The following TACO1 variants were observed in gnomAD, a reference collection of about 807,000 sequenced individuals.
The protein encoded by TACO1 is translational activator of cytochrome c oxidase I, also known as translational activator of cytochrome c oxidase 1.
Under a neutral mutation model 24.0 loss-of-function variants are expected in TACO1, and 13 were observed. That is an observed-to-expected ratio of 0.54 (90% CI 0.35 to 0.86). The LOEUF (loss-of-function observed/expected upper bound fraction) is 0.86. Ranked by LOEUF, TACO1 falls within the 40% of genes least tolerant of loss-of-function variation. The pLI is 0.01. For missense variants in TACO1, 352 were observed against 380.1 expected, an observed-to-expected ratio of 0.93 and a Z score of 0.61; for synonymous variants, 149 against 153.5, an observed-to-expected ratio of 0.97 and a Z score of 0.22.
In TACO1 at chr17:63,608,003, C is replaced by T; in HGVS notation, c.*1C>T. On this transcript the variant is annotated 3_prime_UTR_variant, in exon 5 of 5. Coordinates refer to ENST00000258975, the MANE Select transcript of TACO1 (RefSeq NM_016360.4). ...TCACGTCTATGATAACATTGAATAA[C>T]CAGGCTACATGTGCCCCCGGGTTCC... 6.2e-7 allele frequency: 1 copy of T among 1,614,016 alleles called. No individual in the cohort carries two copies. The highest frequency in any genetic ancestry group is 8.5e-7 in the Non-Finnish European group (1 of 1,180,014).
intron 2 of TACO1, among the ~76,000 whole-genome samples, 179 bp from the exon 3 acceptor site, chr17:63,606,134 G>GTAC (rs1435743390): frequency 6.6e-6 from 1 of 152,168 alleles, no homozygotes; most frequent in Non-Finnish European, 1.5e-5. Flanking sequence ...GTTAGGGGTA[G>GTAC]TACTTCCTGT....
Position 63,606,306 on chromosome 17 carries a change from A to G in TACO1, c.388-7A>G. On this transcript the variant is annotated splice_region_variant and splice_polypyrimidine_tract_variant and intron_variant, in intron 2 of 4. Transcript: ENST00000258975. The stretch of plus-strand genomic sequence containing the variant: ...ACAGGAAAATGTGCTTGTGTTGTTT[A>G]TTGCAGAAATCCAAGGACACTTATT... 1 of 1,612,986 alleles carries G rather than the reference A, an allele frequency of 6.2e-7. No homozygotes were observed. Among genetic ancestry groups the G allele is most frequent in the Non-Finnish European group, 8.5e-7 (1 of 1,180,028 alleles).
In TACO1 at chr17:63,600,956, C is replaced by T; in HGVS notation, c.-128C>T. 1.7e-6 allele frequency: 2 copies of T among 1,172,442 alleles called. No homozygotes were observed. Among genetic ancestry groups the T allele is most frequent in the Non-Finnish European group, 2.4e-6 (2 of 830,398 alleles). The allele number at this position is 1,172,442 out of a possible 1,614,324, so 72.6% of individuals were successfully genotyped here. On this transcript the variant is annotated 5_prime_UTR_variant, in exon 1 of 5. Transcript: ENST00000258975. Reference sequence around the variant, plus strand: ...GCTGTTGAGCCGCCCCGGGCGGGCCCAAGCCTTTGGATCTCAGGTGACCGG... The same window carrying T: ...GCTGTTGAGCCGCCCCGGGCGGGCCTAAGCCTTTGGATCTCAGGTGACCGG...
At position 63,601,227 on chromosome 17, in the gene TACO1, G is replaced by T; in HGVS notation, c.144G>T (p.Arg48Ser). 1.3e-6 allele frequency: 2 copies of T among 1,599,620 alleles called. No homozygotes were observed. Among genetic ancestry groups the T allele is most frequent in the Non-Finnish European group, 1.7e-6 (2 of 1,173,614 alleles). The change falls in exon 1 of 5, where the codon AGG (arginine) becomes AGT (serine). Residue 48 changes from arginine (R) to serine (S), a missense_variant. Physicochemically the swap from Arg to Ser is moderately radical, Grantham distance 110 (BLOSUM62 -1). Coordinates refer to ENST00000258975, the MANE Select transcript of TACO1 (RefSeq NM_016360.4). ...EPRGCGAAPG[R>S]TLHFTAAVPA... Reference sequence around the variant, plus strand: ...GGGGCTGCGGTGCCGCTCCGGGCAGGACGCTGCACTTTACCGCGGCTGTCC... The same window carrying T: ...GGGGCTGCGGTGCCGCTCCGGGCAGTACGCTGCACTTTACCGCGGCTGTCC...
At chr17:63,601,584 CAG>C (rs1031721114) in intron 1 of TACO1, among the ~76,000 whole-genome samples, 42 of 152,306 alleles carry the variant, frequency 2.8e-4, no homozygotes, top group African/African-American at 9.9e-4. Flanking sequence ...GCCAGTTTGT[CAG>C]AGAGGGAGCT....
chr17:63,601,489 C>CCCA, intron 1 of TACO1, 126 bp downstream of exon 1: 1 of 965,564 alleles, frequency 1.0e-6, no homozygotes, highest in Non-Finnish European at 1.6e-6. Flanking sequence ...TTCCCCAGTA[C>CCCA]CCACCATTGC....
chr17:63,608,339 T>C lies in TACO1; in HGVS notation c.*337T>C, dbSNP rs1430659160. ...GCTCTGTACTAGAAACTGCTCTTAA[T>C]AATAACGGTGATTATTGGTTGCTGC... On this transcript the variant is annotated 3_prime_UTR_variant, in exon 5 of 5. Transcript: ENST00000258975. The C allele has an allele frequency of 1.3e-5, 5 of 388,788 alleles. No individual in the cohort carries two copies. The East Asian group carries it at 3.0e-4, about 24-fold the overall frequency. The allele number at this position is 388,788 out of a possible 1,614,324, so 24.1% of individuals were successfully genotyped here. A position where few individuals can be genotyped will look rare whatever the true frequency, so the allele number is the denominator to read the frequency against.
intron 4 of TACO1, 125 bp downstream of exon 4, chr17:63,607,589 C>T (rs1192533251): frequency 9.3e-7 from 1 of 1,073,804 alleles, no homozygotes; most frequent in South Asian, 1.3e-5. Context: ...ACATATTGTA[C>T]AAACATTTAT....
chr17:63,603,168 G>A (rs896220040), intron 1 of TACO1, among the ~76,000 whole-genome samples: 6 of 151,910 alleles, frequency 3.9e-5, no homozygotes, highest in Admixed American at 1.3e-4. Flanking sequence ...CCCAGAAGGC[G>A]GCGCTTGCAG....
Position 63,607,876 on chromosome 17 carries a change from T to G in TACO1, c.768T>G (p.Cys256Trp), listed in dbSNP as rs2033875028. 1.2e-6 allele frequency: 2 copies of G among 1,614,108 alleles called. No individual in the cohort carries two copies. Among genetic ancestry groups the G allele is most frequent in the Non-Finnish European group, 1.7e-6 (2 of 1,180,052 alleles). ...LDSLGLCSVSCALEFIPNSKV... is the reference protein window; with the variant it reads ...LDSLGLCSVSWALEFIPNSKV... ...CCCTGGGCCTGTGTTCTGTGTCCTGTGCACTAGAGTTCATCCCCAACTCAA... is the reference window on the plus strand; with the variant it reads ...CCCTGGGCCTGTGTTCTGTGTCCTGGGCACTAGAGTTCATCCCCAACTCAA... Residue 256 changes from cysteine to tryptophan, a missense_variant, in exon 5 of 5, where the codon TGT becomes TGG. By Grantham distance (215) the Cys-to-Trp change is radical. Transcript: ENST00000258975.
Position 63,607,395 on chromosome 17 carries a change from G to T in TACO1, c.624G>T (p.Glu208Asp), listed in dbSNP as rs2143037112. Residue 208 changes from glutamate to aspartate, a missense_variant, in exon 4 of 5, where the codon GAG (glutamate) becomes GAT (aspartate). By Grantham distance (45) the Glu-to-Asp change is conservative (BLOSUM62 2). Transcript: ENST00000258975. Reference protein sequence around the residue: ...KKAVNLERALEMAIEAGAEDV... With the variant: ...KKAVNLERALDMAIEAGAEDV... ...CTGTGAACCTAGAGCGTGCCCTGGA[G>T]ATGGCAATCGAAGCAGGAGCTGAGG... 2 of 1,614,212 alleles carry T rather than the reference G, an allele frequency of 1.2e-6. No individual in the cohort carries two copies. The highest frequency in any genetic ancestry group is 4.5e-5 in the East Asian group (2 of 44,886).
At position 63,601,107 on chromosome 17, in the gene TACO1, C is replaced by G. The variant is rs1381574343; in HGVS notation, c.24C>G (p.Ser8Arg). 1 of 1,542,228 alleles carries G rather than the reference C, an allele frequency of 6.5e-7. No individual in the cohort carries two copies. Residue 8 changes from serine (S) to arginine (R), a missense_variant, in exon 1 of 5, where the codon AGC becomes AGG. By Grantham distance (110) the Ser-to-Arg change is moderately radical. Coordinates refer to ENST00000258975, the MANE Select transcript of TACO1 (RefSeq NM_016360.4). The part of the protein sequence containing the change: MSAWAAA[S>R]LSRAAARCLL... ...CGATGTCGGCTTGGGCTGCTGCCAGCCTAAGCAGGGCCGCTGCCCGATGCT... is the reference window on the plus strand; with the variant it reads ...CGATGTCGGCTTGGGCTGCTGCCAGGCTAAGCAGGGCCGCTGCCCGATGCT...
Position 63,601,061 on chromosome 17 carries a change from C to CT in TACO1, c.-21dup. ...CGGCGTTGGCCGCTGCTGCTAGCAG[C>CT]TTGAACCCCAGGGTCGGGACCGATG... On this transcript the variant is annotated 5_prime_UTR_variant, in exon 1 of 5. Transcript: ENST00000258975. 1.3e-6 allele frequency: 2 copies of CT among 1,538,492 alleles called. No individual in the cohort carries two copies. The highest frequency in any genetic ancestry group is 1.7e-6 in the Non-Finnish European group (2 of 1,146,002).
chr17:63,607,213 T>C, intron 3 of TACO1, 74 bp from the exon 4 acceptor site: 1 of 1,343,102 alleles, frequency 7.4e-7, no homozygotes, highest in Non-Finnish European at 1.1e-6. Flanking sequence ...GAGACAGTGA[T>C]AGAATGATGA....
At chr17:63,607,659 C>A in intron 4 of TACO1, 143 bp from the exon 5 acceptor site, 1 of 974,758 alleles carries the variant, frequency 1.0e-6, no homozygotes, top group Non-Finnish European at 1.6e-6. Context: ...AGAGTCAAAA[C>A]ATTGAAAACG....
At chr17:63,605,413 T>C (rs1386284231) in intron 2 of TACO1, among the ~76,000 whole-genome samples, 1 of 152,090 alleles carries the variant, frequency 6.6e-6, no homozygotes, top group Non-Finnish European at 1.5e-5. Flanking sequence ...GAGGAAGTAA[T>C]AGTTATCTTA....
intron 3 of TACO1, 112 bp from the exon 4 acceptor site, chr17:63,607,175 G>C (rs765348602): frequency 4.1e-6 from 4 of 983,004 alleles, no homozygotes; most frequent in Non-Finnish European, 6.3e-6. Flanking sequence ...CTCCATGTCT[G>C]TGTGTACTTC....
At chr17:63,607,728 A>T in intron 4 of TACO1, 74 bp from the exon 5 acceptor site, 1 of 1,387,612 alleles carries the variant, frequency 7.2e-7, no homozygotes, top group Non-Finnish European at 1.0e-6. Context: ...GACATTCAGG[A>T]CTTTGCAAGG....
In TACO1 at chr17:63,600,960, C is replaced by T. The variant is rs1222209601; in HGVS notation, c.-124C>T. On this transcript the variant is annotated 5_prime_UTR_variant, in exon 1 of 5. Coordinates refer to ENST00000258975, the MANE Select transcript of TACO1 (RefSeq NM_016360.4). ...TTGAGCCGCCCCGGGCGGGCCCAAG[C>T]CTTTGGATCTCAGGTGACCGGCACA... is the stretch of plus-strand genomic sequence containing the variant. 1 of 1,199,908 alleles carries T rather than the reference C, an allele frequency of 8.3e-7. No homozygotes were observed. Among genetic ancestry groups the T allele is most frequent in the Non-Finnish European group, 1.2e-6 (1 of 852,992 alleles). 74.3% of individuals were successfully genotyped at this position (1,199,908 alleles called of 1,614,324 possible).
Sources: allele counts gnomAD v4.1 joint callset (sites outside exome capture counted in the v4.1 genomes callset), GRCh38; gene constraint gnomAD v4.1.1; transcripts MANE v1.5; gene names NCBI Gene and HGNC (gene_info 2026-07-23, HGNC 2026-07-21).